Variants in CHCHD3 observed in about 807,000 individuals in gnomAD.
CHCHD3 encodes the protein MICOS complex subunit MIC19.
A neutral mutation model predicts 38.2 loss-of-function variants in CHCHD3; 20 were observed. The ratio of observed to expected loss-of-function variants is 0.52; its 90% CI spans 0.37 to 0.76. The LOEUF (loss-of-function observed/expected upper bound fraction) is 0.76, where lower values mean the gene tolerates loss of function less well. CHCHD3 is among the 30% of genes least tolerant of loss of function. The probability of loss-of-function intolerance (pLI) is 0.00; values close to 1 mark genes in which losing one functional copy is unlikely to be tolerated. For synonymous variants in CHCHD3, 82 were observed against 100.0 expected, an observed-to-expected ratio of 0.82 and a Z score of 1.07; for missense variants, 245 against 279.2, an observed-to-expected ratio of 0.88 and a Z score of 0.87.
intron 3 of CHCHD3, among the ~76,000 whole-genome samples, chr7:132,996,987 T>C (rs1812437257): frequency 6.6e-6 from 1 of 152,254 alleles, no homozygotes; most frequent in Admixed American, 6.5e-5. Context: ...ATTTCCACGA[T>C]GTTAACAACC....
At chr7:133,060,101 G>A (rs1814458415) in intron 2 of CHCHD3, among the ~76,000 whole-genome samples, 1 of 152,226 alleles carries the variant, frequency 6.6e-6, no homozygotes, top group African/African-American at 2.4e-5. Flanking sequence ...AACTTGGAAA[G>A]TCCACACTGA....
At chr7:132,995,424 A>C (rs940689972) in intron 3 of CHCHD3, among the ~76,000 whole-genome samples, 1 of 152,224 alleles carries the variant, frequency 6.6e-6, no homozygotes, top group African/African-American at 2.4e-5. Flanking sequence ...ATTTAAGCCT[A>C]TAATACAATA....
intron 3 of CHCHD3, among the ~76,000 whole-genome samples, chr7:132,981,821 CTAGAGA>C (rs1157455826): frequency 6.6e-6 from 1 of 152,108 alleles, no homozygotes; most frequent in African/African-American, 2.4e-5. Context: ...ACGGAGATTG[CTAGAGA>C]TAAAGTGATT....
At chr7:132,963,125 A>T (rs1811359494) in intron 4 of CHCHD3, among the ~76,000 whole-genome samples, 2 of 144,950 alleles carry the variant, frequency 1.4e-5, no homozygotes. Flanking sequence ...ACCCATGCTC[A>T]ATTGATCCCC....
intron 3 of CHCHD3, among the ~76,000 whole-genome samples, chr7:132,995,053 C>T (rs10243085): frequency 0.035 from 5,278 of 152,160 alleles, 293 homozygotes; most frequent in African/African-American, 0.12. Context: ...AAAACAAATA[C>T]ATTGATTTTA....
At position 132,796,570 on chromosome 7, in the gene CHCHD3, C is replaced by T. The variant is rs1806621210; in HGVS notation, c.532G>A (p.Glu178Lys). 1.2e-6 allele frequency: 2 copies of T among 1,613,682 alleles called. No homozygotes were observed. The highest frequency in any genetic ancestry group is 8.5e-7 in the Non-Finnish European group (1 of 1,179,714). Residue 178 changes from glutamate (E) to lysine (K), a missense_variant, in exon 7 of 8, where the codon GAG becomes AAG. By Grantham distance (56) the Glu-to-Lys change is moderately conservative. Coordinates refer to ENST00000262570, the MANE Select transcript of CHCHD3 (RefSeq NM_017812.4). ...EEVEAKFKRY[E>K]SHPVCADLQA... is the part of the protein sequence containing the mutation. ...AGATCAGCACAGACTGGATGAGACT[C>T]ATATCGCCTGAAAACAAACACAGGG...
At chr7:132,945,451 G>A (rs1056444323) in intron 4 of CHCHD3, among the ~76,000 whole-genome samples, 4 of 151,666 alleles carry the variant, frequency 2.6e-5, no homozygotes, top group African/African-American at 9.7e-5. Flanking sequence ...ATATCAATGG[G>A]GTTGCCAAGC....
chr7:132,871,229 T>C (rs1808760396), intron 5 of CHCHD3, among the ~76,000 whole-genome samples: 1 of 152,234 alleles, frequency 6.6e-6, no homozygotes, highest in Admixed American at 6.5e-5. Context: ...AAATATACTT[T>C]TGTCTTTCTG....
intron 4 of CHCHD3, among the ~76,000 whole-genome samples, chr7:132,901,823 G>A (rs1809677316): frequency 6.6e-6 from 1 of 152,154 alleles, no homozygotes; most frequent in African/African-American, 2.4e-5. Flanking sequence ...AGTTTAATTA[G>A]ATCCGATTTG....
chr7:132,973,036 A>T, intron 4 of CHCHD3: 1 of 985,264 alleles, frequency 1.0e-6, no homozygotes, highest in Non-Finnish European at 1.2e-6. Context: ...ATACTTTCAC[A>T]TTTTTTTGTG....
At chr7:132,985,748 A>G (rs370045453) in intron 3 of CHCHD3, among the ~76,000 whole-genome samples, 21 of 52,522 alleles carry the variant, frequency 4.0e-4, no homozygotes, top group Middle Eastern at 0.011. Context: ...TCAGCCCCCC[A>G]CCCGGCCAGC....
rs776258104 is a variant in CHCHD3 at position 133,035,037 on chromosome 7, C to A, written c.170-10410G>T. 2.0e-5 allele frequency: 32 copies of A among 1,613,088 alleles called. No homozygotes were observed. Among genetic ancestry groups the A allele is most frequent in the Non-Finnish European group, 2.5e-5 (30 of 1,179,536 alleles). ...GAGTGTGTCCTCATTGGAGTACTTG[C>A]GCTTAAATTCATCCAACACAAAGGT... On this transcript the variant is annotated intron_variant, in intron 2 of 7. Transcript: ENST00000262570. This position sits in a 1 kb window ranked among gnomAD's most constrained non-coding sequence, Gnocchi z 4.7.
At chr7:132,860,132 G>T (rs996080081) in intron 5 of CHCHD3, among the ~76,000 whole-genome samples, 1 of 152,008 alleles carries the variant, frequency 6.6e-6, no homozygotes, top group Non-Finnish European at 1.5e-5. Flanking sequence ...AATTAGCCAG[G>T]GGTGATGGCG....
chr7:133,078,829 A>G (rs1277657047), intron 1 of CHCHD3, among the ~76,000 whole-genome samples: 1 of 152,212 alleles, frequency 6.6e-6, no homozygotes, highest in Non-Finnish European at 1.5e-5. Context: ...AATGACATAA[A>G]TGCTAGACAA....
chr7:133,042,466 CCAGAAAGA>C (rs1813860023), intron 2 of CHCHD3, among the ~76,000 whole-genome samples: 1 of 152,100 alleles, frequency 6.6e-6, no homozygotes, highest in African/African-American at 2.4e-5. Flanking sequence ...CATCCTTATC[CCAGAAAGA>C]TGTAGGGAGC....
chr7:132,974,151 T>A, intron 4 of CHCHD3: 1 of 559,874 alleles, frequency 1.8e-6, no homozygotes, highest in Non-Finnish European at 2.7e-6. Context: ...TCATGAGGCT[T>A]AACACCATCT....
At chr7:132,827,954 GC>G (rs2117079055) in intron 6 of CHCHD3, among the ~76,000 whole-genome samples, 1 of 152,210 alleles carries the variant, frequency 6.6e-6, no homozygotes, top group Admixed American at 6.5e-5. Context: ...CATCTCTCCT[GC>G]CCCTTTCTGC....
chr7:132,824,176 T>C (rs956114357), intron 6 of CHCHD3, among the ~76,000 whole-genome samples: 4 of 152,158 alleles, frequency 2.6e-5, no homozygotes, highest in Non-Finnish European at 5.9e-5. Context: ...ACAACATCTA[T>C]GCACCCAATA....
intron 3 of CHCHD3, among the ~76,000 whole-genome samples, chr7:133,022,661 C>T (rs917422612): frequency 6.6e-6 from 1 of 151,884 alleles, no homozygotes; most frequent in African/African-American, 2.4e-5. Context: ...GCTGTACCAC[C>T]CTCTGCTCTC....
Sources: gnomAD v4.1 joint callset for allele counts (sites outside exome capture counted in the v4.1 genomes callset) on GRCh38, gnomAD v4.1.1 for gene constraint, Gnocchi (gnomAD v3.1) non-coding constraint, MANE v1.5 for transcripts, NCBI Gene and HGNC (gene_info 2026-07-23, HGNC 2026-07-21) for gene names.